COL4A1: variants seen among roughly 807,000 people sequenced by gnomAD.
The protein encoded by COL4A1 is collagen type IV alpha 1 chain, also known as collagen alpha-1(IV) chain.
In COL4A1, 40 loss-of-function variants were observed where a neutral mutation model predicts 216.6. The observed-to-expected ratio is 0.18, with a 90% CI of 0.14 to 0.24. The LOEUF (loss-of-function observed/expected upper bound fraction) is 0.24, where lower values mean the gene tolerates loss of function less well. Among genes scored for constraint, COL4A1 ranks in the 10% least tolerant of loss-of-function variants. COL4A1 has a pLI of 1.00. For missense variants in COL4A1, 1,628 were observed against 2,196.8 expected, an observed-to-expected ratio of 0.74 and a Z score of 5.18; for synonymous variants, 839 against 810.7, an observed-to-expected ratio of 1.03 and a Z score of -0.59.
At chr13:110,278,880 C>G (rs1026906460) in intron 1 of COL4A1, among the ~76,000 whole-genome samples, 2 of 152,102 alleles carry the variant, frequency 1.3e-5, no homozygotes, top group African/African-American at 4.8e-5. Context: ...AGCTCAGAGG[C>G]GTCCCACACC....
intron 1 of COL4A1, among the ~76,000 whole-genome samples, chr13:110,292,344 A>T (rs533806170): frequency 6.6e-6 from 1 of 152,162 alleles, no homozygotes; most frequent in Non-Finnish European, 1.5e-5. Context: ...TTTGCATATC[A>T]TCTCAAGGGG....
chr13:110,166,311 C>A lies in COL4A1; in HGVS notation c.3950-8G>T. 1 of 1,593,350 alleles carries A rather than the reference C, an allele frequency of 6.3e-7. No homozygotes were observed. The highest frequency in any genetic ancestry group is 2.2e-5 in the East Asian group (1 of 44,798). On this transcript the variant is annotated splice_region_variant and splice_polypyrimidine_tract_variant and intron_variant, in intron 44 of 51. Transcript: ENST00000375820. ...CAGGAAGACCTTTTGGACCTAAAAG[C>A]AGAGGGAAAGCACTGTCTTGCACAG...
chr13:110,180,043 C>G (rs1168730257), intron 29 of COL4A1, among the ~76,000 whole-genome samples: 1 of 152,106 alleles, frequency 6.6e-6, no homozygotes, highest in African/African-American at 2.4e-5. Flanking sequence ...CAGGGCTCCA[C>G]CGGTGTCCCC....
intron 24 of COL4A1, among the ~76,000 whole-genome samples, chr13:110,189,242 T>C (rs1239928592): frequency 6.6e-6 from 1 of 152,220 alleles, no homozygotes; most frequent in Non-Finnish European, 1.5e-5. Context: ...TTTGTATTTT[T>C]AGTGGAGACG....
chr13:110,180,687 G>A (rs1878107896), intron 29 of COL4A1, among the ~76,000 whole-genome samples: 1 of 152,244 alleles, frequency 6.6e-6, no homozygotes, highest in Non-Finnish European at 1.5e-5. Context: ...ATATTTGAGG[G>A]CAAGGAGAAT....
At chr13:110,208,613 G>A (rs988422716) in intron 12 of COL4A1, among the ~76,000 whole-genome samples, 5 of 152,174 alleles carry the variant, frequency 3.3e-5, no homozygotes, top group African/African-American at 7.2e-5. Flanking sequence ...AGTTAGTCTC[G>A]TTGTTCTCTG....
intron 1 of COL4A1, among the ~76,000 whole-genome samples, chr13:110,277,516 T>A (rs1883474393): frequency 6.6e-6 from 1 of 152,210 alleles, no homozygotes; most frequent in African/African-American, 2.4e-5. Context: ...CTTCCTCAGC[T>A]GTGTGTGGGA....
intron 2 of COL4A1, among the ~76,000 whole-genome samples, chr13:110,240,660 C>T (rs1881522320): frequency 6.6e-6 from 1 of 152,246 alleles, no homozygotes; most frequent in African/African-American, 2.4e-5. Flanking sequence ...AGGCCAGGTG[C>T]TGGACACCGC....
At chr13:110,157,130 A>G (rs145974753) in intron 49 of COL4A1, among the ~76,000 whole-genome samples, 209 of 152,322 alleles carry the variant, frequency 1.4e-3, no homozygotes, top group Non-Finnish European at 1.7e-3. Flanking sequence ...ATTCCTTAAA[A>G]TTCACATGGC....
At chr13:110,174,842 A>G (rs1877807665) in intron 37 of COL4A1, 93 bp from the exon 38 acceptor site, 1 of 1,203,660 alleles carries the variant, frequency 8.3e-7, no homozygotes, top group South Asian at 1.2e-5. Flanking sequence ...TTTTGGTGCA[A>G]TGAATATTGC....
rs764386658 is a variant in COL4A1 at position 110,177,838 on chromosome 13, C to T, written c.2716+4G>A. On this transcript the variant is annotated splice_donor_region_variant and intron_variant, in intron 33 of 51. Coordinates refer to ENST00000375820, the MANE Select transcript of COL4A1 (RefSeq NM_001845.6). ...TGAGCTTCTAGGGTTATCAGCTCCC[C>T]TACCTTTTTCACCCGGTAATCCAGG... The T allele has an allele frequency of 5.0e-6, 8 of 1,614,074 alleles. No homozygotes were observed. The highest frequency in any genetic ancestry group is 6.8e-6 in the Non-Finnish European group (8 of 1,179,994).
At chr13:110,163,685 C>T (rs1013158386) in intron 46 of COL4A1, 124 bp from the exon 47 acceptor site, 20 of 943,478 alleles carry the variant, frequency 2.1e-5, no homozygotes, top group Admixed American at 1.0e-4. Flanking sequence ...CAGATGAGAA[C>T]GTTTTCTCGG....
intron 2 of COL4A1, among the ~76,000 whole-genome samples, chr13:110,228,148 T>C (rs1309116076): frequency 2.6e-5 from 4 of 151,190 alleles, no homozygotes; most frequent in African/African-American, 9.7e-5. Context: ...CCAAGCCACG[T>C]GCTTCTGCAG....
At chr13:110,181,264 G>A (rs372102331) in intron 29 of COL4A1, 28 bp downstream of exon 29, 85 of 1,600,836 alleles carry the variant, frequency 5.3e-5, no homozygotes, top group African/African-American at 1.1e-4. Context: ...GGGGGAGAAG[G>A]GTCATGGAGG....
At position 110,177,935 on chromosome 13, in the gene COL4A1, T is replaced by C; in HGVS notation, c.2627-4A>G. 2.5e-6 allele frequency: 4 copies of C among 1,614,158 alleles called. No individual in the cohort carries two copies. Among genetic ancestry groups the C allele is most frequent in the Non-Finnish European group, 3.4e-6 (4 of 1,180,024 alleles). ...ACGCCCATTTCTCCCTTGGAACCTG[T>C]GGCCAAAGGAAAGGACTGTGAACAT... On this transcript the variant is annotated splice_polypyrimidine_tract_variant and splice_region_variant and intron_variant, in intron 32 of 51. Transcript: ENST00000375820.
intron 1 of COL4A1, among the ~76,000 whole-genome samples, chr13:110,289,405 C>T (rs1478764977): frequency 3.3e-5 from 5 of 152,144 alleles, no homozygotes; most frequent in Non-Finnish European, 7.3e-5. Context: ...TCAACTCGTT[C>T]CTGTGAGGGG....
chr13:110,252,651 A>T, intron 1 of COL4A1, among the ~76,000 whole-genome samples: 1 of 140,224 alleles, frequency 7.1e-6, no homozygotes, highest in Admixed American at 7.2e-5. Context: ...TATATACAAA[A>T]TGTATATATG....
At chr13:110,238,684 C>A (rs187993076) in intron 2 of COL4A1, among the ~76,000 whole-genome samples, 7 of 152,254 alleles carry the variant, frequency 4.6e-5, no homozygotes, top group Admixed American at 3.9e-4. Context: ...ACTTTAAATT[C>A]CCTTTTTTGG....
chr13:110,277,734 C>G (rs1883482266), intron 1 of COL4A1, among the ~76,000 whole-genome samples: 1 of 152,206 alleles, frequency 6.6e-6, no homozygotes, highest in Non-Finnish European at 1.5e-5. Flanking sequence ...GTGACTCAGG[C>G]CATCCTTTGC....
Sources: gnomAD v4.1 joint callset for allele counts (sites outside exome capture counted in the v4.1 genomes callset) on GRCh38, gnomAD v4.1.1 for gene constraint, MANE v1.5 for transcripts, NCBI Gene and HGNC (gene_info 2026-07-23, HGNC 2026-07-21) for gene names.